ADGRD1: variants seen among roughly 807,000 people sequenced by gnomAD.
ADGRD1 encodes the protein adhesion G protein-coupled receptor D1.
In ADGRD1, 77 loss-of-function variants were observed where a neutral mutation model predicts 113.4. That is an observed-to-expected ratio of 0.68 (90% CI 0.57 to 0.82). The LOEUF (loss-of-function observed/expected upper bound fraction) is 0.82, where lower values mean the gene tolerates loss of function less well. ADGRD1 is among the 40% of genes least tolerant of loss of function. The pLI, the probability that ADGRD1 is intolerant of heterozygous loss-of-function variation, is 0.00. For missense variants in ADGRD1, 1,036 were observed against 1,139.1 expected (o/e 0.91, Z 1.30); for synonymous variants, 474 against 475.0 (o/e 1.00, Z 0.03).
Position 131,051,246 on chromosome 12 carries a change from C to G in ADGRD1, c.1474-25555C>G, listed in dbSNP as rs1042173681. On this transcript the variant is annotated intron_variant, in intron 13 of 24. Transcript: ENST00000261654. The stretch of plus-strand genomic sequence containing the variant: ...TGTGGGAAGTTCAGGATTATGCTGC[C>G]CCAGGAACGATTCCTTGTTTCTTTT... Among the ~76,000 whole-genome samples, 4 of 152,194 alleles carry G rather than the reference C, an allele frequency of 2.6e-5. No homozygotes were observed. The East Asian group carries it at 7.7e-4, about 29-fold the overall frequency.
chr12:131,020,135 C>A lies in ADGRD1; in HGVS notation c.1473+5795C>A, dbSNP rs112337009. The stretch of plus-strand genomic sequence containing the variant: ...GCAGGACCCTGAGCTCCGTCCAGGG[C>A]AGGGGGTGCTCGAGGGAGATATTCC... On this transcript the variant is annotated intron_variant, in intron 13 of 24. Transcript: ENST00000261654. Among the ~76,000 whole-genome samples the A allele has an allele frequency of 2.6e-3, 212 of 80,094 alleles. 1 individual carries two copies. The highest frequency in any genetic ancestry group is 8.8e-3 in the African/African-American group (184 of 20,852). 52.5% of individuals were successfully genotyped at this position (80,094 alleles called of 152,430 possible). A position where few individuals can be genotyped will look rare whatever the true frequency, so the allele number is the denominator to read the frequency against.
intron 15 of ADGRD1, among the ~76,000 whole-genome samples, chr12:131,104,553 G>A (rs989508423): frequency 1.3e-5 from 2 of 152,030 alleles, no homozygotes; most frequent in East Asian, 1.9e-4. Context: ...GCGCCTGCCC[G>A]GGCCAGGCAG....
intron 20 of ADGRD1, among the ~76,000 whole-genome samples, chr12:131,124,070 CA>C (rs1455020825): frequency 3.3e-5 from 5 of 152,252 alleles, no homozygotes; most frequent in Non-Finnish European, 5.9e-5. Context: ...ACCTCTGGGC[CA>C]GGGGGTGCCG....
At chr12:131,087,360 A>C (rs1221643515) in intron 15 of ADGRD1, among the ~76,000 whole-genome samples, 3 of 152,104 alleles carry the variant, frequency 2.0e-5, no homozygotes, top group African/African-American at 7.2e-5. Flanking sequence ...CGTGCTTTGG[A>C]GCCTGGACCC....
intron 13 of ADGRD1, among the ~76,000 whole-genome samples, chr12:131,032,921 A>C (rs1230544871): frequency 2.0e-5 from 1 of 49,974 alleles, no homozygotes; most frequent in African/African-American, 7.9e-5. Flanking sequence ...GACGCTTATT[A>C]GAGAAATCGC....
chr12:131,123,038 A>AG (rs1950637060), intron 20 of ADGRD1, among the ~76,000 whole-genome samples: 10 of 35,376 alleles, frequency 2.8e-4, no homozygotes, highest in Admixed American at 1.0e-3. Flanking sequence ...TTACCTGGGG[A>AG]GTTTTTTTTT....
chr12:131,096,548 C>T lies in ADGRD1; in HGVS notation c.1672-8283C>T, dbSNP rs1333359841. Among the ~76,000 whole-genome samples the T allele has an allele frequency of 2.0e-5, 3 of 152,174 alleles. No homozygotes were observed. The highest frequency in any genetic ancestry group is 7.2e-5 in the African/African-American group (3 of 41,428). On this transcript the variant is annotated intron_variant, in intron 15 of 24. Transcript: ENST00000261654. The surrounding 1 kb of genome is among the most constrained non-coding windows in gnomAD (Gnocchi z 5.2). ...CACTGAAGTCATGGTGGTCTTTGGC[C>T]GCAGCAAATAACCAGCATCCTATGC...
intron 8 of ADGRD1, among the ~76,000 whole-genome samples, chr12:130,998,606 A>C (rs1388829638): frequency 2.0e-5 from 3 of 152,136 alleles, no homozygotes; most frequent in Non-Finnish European, 4.4e-5. Context: ...CTGGGACTAC[A>C]GGCATGCACC....
At chr12:131,130,676 G>A (rs1028764865) in intron 20 of ADGRD1, among the ~76,000 whole-genome samples, 4 of 152,158 alleles carry the variant, frequency 2.6e-5, no homozygotes, top group Non-Finnish European at 4.4e-5. Flanking sequence ...CGGGCACCTA[G>A]GCGAGGGGTG....
intron 21 of ADGRD1, among the ~76,000 whole-genome samples, chr12:131,133,789 G>A (rs746549268): frequency 2.5e-4 from 38 of 152,218 alleles, no homozygotes; most frequent in Non-Finnish European, 3.8e-4. Flanking sequence ...CACAGCCAGG[G>A]AGCAGGCGCC....
At chr12:131,026,445 G>A (rs2136901000) in intron 13 of ADGRD1, 1 of 152,372 alleles carries the variant, frequency 6.6e-6, no homozygotes. Context: ...GAGCTCCAGA[G>A]CACTTCCTGA....
intron 21 of ADGRD1, among the ~76,000 whole-genome samples, chr12:131,132,237 G>T (rs1402282176): frequency 6.6e-6 from 1 of 152,172 alleles, no homozygotes; most frequent in East Asian, 1.9e-4. Context: ...ATGATAACAG[G>T]TTCCCCCTCA....
chr12:130,997,492 C>T (rs1437240762), intron 8 of ADGRD1, among the ~76,000 whole-genome samples: 5 of 150,828 alleles, frequency 3.3e-5, no homozygotes, highest in East Asian at 2.0e-4. Flanking sequence ...TCAGACGGGG[C>T]GGCTGGGCAG....
chr12:130,990,521 C>T (rs972911530), intron 6 of ADGRD1: 1 of 153,058 alleles, frequency 6.5e-6, no homozygotes, highest in African/African-American at 2.4e-5. Flanking sequence ...TAGCTGGAAT[C>T]CTTGGGCTAG....
At chr12:131,052,575 C>G (rs547960994) in intron 13 of ADGRD1, among the ~76,000 whole-genome samples, 64 of 152,230 alleles carry the variant, frequency 4.2e-4, no homozygotes, top group African/African-American at 1.5e-3. Flanking sequence ...CTGCTTTATT[C>G]AGGAGCAGTC....
intron 15 of ADGRD1, among the ~76,000 whole-genome samples, chr12:131,085,571 G>A (rs1306577524): frequency 6.6e-6 from 1 of 152,158 alleles, no homozygotes; most frequent in Non-Finnish European, 1.5e-5. Flanking sequence ...GCACGTAGAC[G>A]CTCATGTAGG....
intron 15 of ADGRD1, among the ~76,000 whole-genome samples, chr12:131,090,213 T>C (rs1390839039): frequency 2.6e-5 from 4 of 152,166 alleles, no homozygotes; most frequent in African/African-American, 7.2e-5. Flanking sequence ...GGTTTAAAAT[T>C]ATCTGTGCTA....
chr12:131,021,222 A>G (rs1879276313), intron 13 of ADGRD1, among the ~76,000 whole-genome samples: 1 of 152,126 alleles, frequency 6.6e-6, no homozygotes, highest in Admixed American at 6.5e-5. Context: ...GATATTAACG[A>G]CAGACGTTTT....
chr12:131,112,576 G>C (rs1031478875), intron 18 of ADGRD1, among the ~76,000 whole-genome samples: 1 of 152,186 alleles, frequency 6.6e-6, no homozygotes, highest in Admixed American at 6.5e-5. Context: ...GCAAAGCTCC[G>C]TTCTTTCCCA....
Sources: gnomAD v4.1 joint callset for allele counts (sites outside exome capture counted in the v4.1 genomes callset) on GRCh38, gnomAD v4.1.1 for gene constraint, Gnocchi (gnomAD v3.1) non-coding constraint, MANE v1.5 for transcripts, NCBI Gene and HGNC (gene_info 2026-07-23, HGNC 2026-07-21) for gene names.